Variants in GALNT17 observed in about 807,000 individuals in gnomAD.
GALNT17 encodes the protein UDP-GalNAc:polypeptide N-acetylgalactosaminyltransferase-like 3.
In GALNT17, 29 loss-of-function variants were observed where a neutral mutation model predicts 63.7. That is an observed-to-expected ratio of 0.46 (90% CI 0.34 to 0.62). GALNT17 has a LOEUF of 0.62. GALNT17 is among the 20% of genes least tolerant of loss of function. The probability of loss-of-function intolerance (pLI) is 0.01; values close to 1 mark genes in which losing one functional copy is unlikely to be tolerated. For synonymous variants in GALNT17, 305 were observed against 318.3 expected (o/e 0.96, Z 0.45); for missense variants, 603 against 799.6 (o/e 0.75, Z 2.97).
At chr7:71,675,058 C>T (rs1791128781) in intron 8 of GALNT17, among the ~76,000 whole-genome samples, 1 of 152,110 alleles carries the variant, frequency 6.6e-6, no homozygotes, top group Non-Finnish European at 1.5e-5. Flanking sequence ...GTGGCGCGTG[C>T]CTGTAATCCC....
intron 6 of GALNT17, among the ~76,000 whole-genome samples, chr7:71,641,614 A>C (rs1790605225): frequency 6.6e-6 from 1 of 152,040 alleles, no homozygotes; most frequent in Non-Finnish European, 1.5e-5. Context: ...CCCTATTCAC[A>C]AGAGCTCCAC....
At chr7:71,230,443 A>G (rs924376416) in intron 1 of GALNT17, among the ~76,000 whole-genome samples, 1 of 152,142 alleles carries the variant, frequency 6.6e-6, no homozygotes, top group Admixed American at 6.5e-5. Flanking sequence ...AGTTGGTACC[A>G]GCATCAGGAG....
intron 5 of GALNT17, among the ~76,000 whole-genome samples, chr7:71,512,858 C>T (rs1303559506): frequency 6.6e-6 from 1 of 152,200 alleles, no homozygotes; most frequent in Non-Finnish European, 1.5e-5. Context: ...CCCAGGTCGG[C>T]TGTCAAGGGA....
intron 5 of GALNT17, among the ~76,000 whole-genome samples, chr7:71,486,848 G>A (rs1364118928): frequency 6.7e-6 from 1 of 150,004 alleles, no homozygotes; most frequent in Non-Finnish European, 1.5e-5. Context: ...GGGCAACAGG[G>A]TAAGACCCTG....
At chr7:71,654,848 G>T (rs927057677) in intron 6 of GALNT17, among the ~76,000 whole-genome samples, 1 of 152,060 alleles carries the variant, frequency 6.6e-6, no homozygotes, top group Non-Finnish European at 1.5e-5. Context: ...GAAAGCAGTG[G>T]CACGATCTCG....
chr7:71,392,556 GAGCACAC>G (rs1026045011), intron 3 of GALNT17, among the ~76,000 whole-genome samples: 3 of 152,180 alleles, frequency 2.0e-5, no homozygotes, highest in African/African-American at 7.2e-5. Flanking sequence ...CTTGTGTGGG[GAGCACAC>G]TTTGAGAACC....
intron 6 of GALNT17, among the ~76,000 whole-genome samples, chr7:71,640,369 T>C (rs1478740835): frequency 6.6e-6 from 1 of 152,178 alleles, no homozygotes; most frequent in East Asian, 1.9e-4. Flanking sequence ...CACCAGGGGC[T>C]CTTGGCTTGG....
rs555961021 is a variant in GALNT17 at position 71,143,889 on chromosome 7, A to G, written c.238+10849A>G. Among the ~76,000 whole-genome samples the G allele has an allele frequency of 2.0e-5, 3 of 151,954 alleles. No individual in the cohort carries two copies. In the East Asian group the frequency reaches 5.8e-4, roughly 29 times the overall value. On this transcript the variant is annotated intron_variant, in intron 1 of 10. Transcript: ENST00000333538. ...ACCCCATCTCTATTTAAAAAAAAAA[A>G]AAGAGTGCAGCAGTGGGTATAGAGA...
intron 2 of GALNT17, among the ~76,000 whole-genome samples, chr7:71,367,416 T>G (rs565960737): frequency 6.6e-6 from 1 of 152,316 alleles, no homozygotes; most frequent in African/African-American, 2.4e-5. Context: ...TCTGGACCAC[T>G]GGCATTTGGA....
chr7:71,170,909 T>A (rs1252269993), intron 1 of GALNT17, among the ~76,000 whole-genome samples: 1 of 135,896 alleles, frequency 7.4e-6, no homozygotes, highest in Non-Finnish European at 1.5e-5. Context: ...CTGTGCTGTT[T>A]AGTTCTTTTT....
intron 1 of GALNT17, among the ~76,000 whole-genome samples, chr7:71,267,664 C>G (rs1790515243): frequency 6.6e-6 from 1 of 151,978 alleles, no homozygotes; most frequent in African/African-American, 2.4e-5. Flanking sequence ...CTGCTTATTC[C>G]TTACAGCCAT....
At chr7:71,264,848 T>G (rs11765235) in intron 1 of GALNT17, among the ~76,000 whole-genome samples, 72,786 of 151,074 alleles carry the variant, frequency 0.48, 18,211 homozygotes, top group Non-Finnish European at 0.54. Flanking sequence ...AGGGGTAGGG[T>G]TCGTAGAGAG....
chr7:71,409,603 G>A (rs1793395023), intron 3 of GALNT17, among the ~76,000 whole-genome samples: 1 of 152,172 alleles, frequency 6.6e-6, no homozygotes, highest in Non-Finnish European at 1.5e-5. Flanking sequence ...CCAAGTCCTG[G>A]ACTGGGTGGC....
chr7:71,697,177 T>A lies in GALNT17; in HGVS notation c.1501-13584T>A, dbSNP rs1584145014. Among the ~76,000 whole-genome samples the A allele has an allele frequency of 2.0e-5, 3 of 152,124 alleles. No individual in the cohort carries two copies. The East Asian group carries it at 5.8e-4, about 29-fold the overall frequency. On this transcript the variant is annotated intron_variant, in intron 9 of 10. Transcript: ENST00000333538. ...GTAAAAAGTCATGGTAGAAAGTTTA[T>A]TCTTAAATTGGTGGACCATGAGAGC...
intron 6 of GALNT17, among the ~76,000 whole-genome samples, chr7:71,619,096 G>A (rs1396177206): frequency 6.6e-6 from 1 of 152,136 alleles, no homozygotes; most frequent in Non-Finnish European, 1.5e-5. Context: ...CTTTTTGGCA[G>A]CCTTTTTAAA....
chr7:71,212,751 T>C (rs943734685), intron 1 of GALNT17, among the ~76,000 whole-genome samples: 3 of 152,132 alleles, frequency 2.0e-5, no homozygotes, highest in Admixed American at 6.5e-5. Flanking sequence ...AGCTTTAAAA[T>C]TGGACTGCCC....
intron 1 of GALNT17, among the ~76,000 whole-genome samples, chr7:71,141,774 T>C (rs1787897126): frequency 6.6e-6 from 1 of 151,050 alleles, no homozygotes; most frequent in Non-Finnish European, 1.5e-5. Flanking sequence ...CCTCATGGGT[T>C]CAAGTGATCC....
intron 1 of GALNT17, among the ~76,000 whole-genome samples, chr7:71,274,754 G>T (rs1180315709): frequency 6.6e-6 from 1 of 152,208 alleles, no homozygotes; most frequent in African/African-American, 2.4e-5. Flanking sequence ...GTGTGTTTGT[G>T]CAGGCTCACC....
At chr7:71,588,751 G>A (rs1258946315) in intron 6 of GALNT17, among the ~76,000 whole-genome samples, 1 of 152,036 alleles carries the variant, frequency 6.6e-6, no homozygotes, top group Non-Finnish European at 1.5e-5. Flanking sequence ...TTTGTTTTGT[G>A]TGGTAATTTG....
Sources: allele counts gnomAD v4.1 joint callset (sites outside exome capture counted in the v4.1 genomes callset), GRCh38; gene constraint gnomAD v4.1.1; transcripts MANE v1.5; gene names NCBI Gene and HGNC (gene_info 2026-07-23, HGNC 2026-07-21).